STXBP2: variants seen among roughly 807,000 people sequenced by gnomAD.
The protein encoded by STXBP2 is syntaxin-binding protein 2.
Under a neutral mutation model 72.2 loss-of-function variants are expected in STXBP2, and 47 were observed. That is an observed-to-expected ratio of 0.65 (90% CI 0.51 to 0.83). The LOEUF is 0.83. Among genes scored for constraint, STXBP2 ranks in the 40% least tolerant of loss-of-function variants. STXBP2 has a pLI of 0.00. For synonymous variants in STXBP2, 367 were observed against 338.7 expected (o/e 1.08, Z -0.92); for missense variants, 702 against 807.6 (o/e 0.87, Z 1.58).
Position 7,642,124 on chromosome 19 carries a change from G to A in STXBP2, c.663+6G>A. 1 of 1,614,054 alleles carries A rather than the reference G, an allele frequency of 6.2e-7. No homozygotes were observed. The highest frequency in any genetic ancestry group is 8.5e-7 in the Non-Finnish European group (1 of 1,180,000). ...ACACTCCCAGTCTGGGCGAGGTGAG[G>A]GGGCGTGCTTGGGAGGTGAGGGGCA... is the stretch of plus-strand genomic sequence containing the variant. On this transcript the variant is annotated splice_donor_region_variant and intron_variant, in intron 8 of 18. Coordinates refer to ENST00000221283, the MANE Select transcript of STXBP2 (RefSeq NM_006949.4). The surrounding 1 kb of genome is among the most constrained non-coding windows in gnomAD (Gnocchi z 6.0).
rs747183018 is a variant in STXBP2 at position 7,640,340 on chromosome 19, GTGTATGCGTC to G, written c.247-387_247-378del. ...TCTGTGTGTGCGTGTGTATGCGTGT[GTGTATGCGTC>G]TGTGCATGTGTGTATGCGTGTGTGT... On this transcript the variant is annotated intron_variant, in intron 4 of 18. Transcript: ENST00000221283. 3.4e-5 allele frequency: 18 copies of G among 533,548 alleles called. No individual in the cohort carries two copies. In the African/African-American group the frequency reaches 3.8e-4, roughly 11 times the overall value. 33.1% of individuals were successfully genotyped at this position (533,548 alleles called of 1,614,324 possible). A position where few individuals can be genotyped will look rare whatever the true frequency, so the allele number is the denominator to read the frequency against.
upstream of STXBP2, among the ~76,000 whole-genome samples, chr19:7,634,701 C>G (rs1022376929): frequency 2.0e-5 from 3 of 152,098 alleles, no homozygotes; most frequent in African/African-American, 7.2e-5. Context: ...ATTTATTGAG[C>G]CAACGTTCCA....
chr19:7,645,154 T>C lies in STXBP2; in HGVS notation c.1247-43T>C, dbSNP rs929807. 0.39 allele frequency: 607,751 copies of C among 1,543,710 alleles called. 125,034 individuals are homozygous for C. The highest frequency in any genetic ancestry group is 0.72 in the East Asian group (29,463 of 40,864). On this transcript the variant is annotated intron_variant, in intron 14 of 18. Coordinates refer to ENST00000221283, the MANE Select transcript of STXBP2 (RefSeq NM_006949.4). ...CCCAAACTCCCCTAAACCTGGGAGC[T>C]CACCTGGCCGCCGCCTCCACCCTGC...
At chr19:7,643,272 G>A (rs2031971833) in intron 13 of STXBP2, 27 bp downstream of exon 13, 4 of 1,610,260 alleles carry the variant, frequency 2.5e-6, no homozygotes, top group Non-Finnish European at 3.4e-6. Flanking sequence ...GGGGGGCAGG[G>A]GTGATGGTCC....
At position 7,640,906 on chromosome 19, in the gene STXBP2, C is replaced by G; in HGVS notation, c.332C>G (p.Pro111Arg). Reference protein sequence around the residue: ...AAHIFFTDTCPEPLFSELGRS... With the variant: ...AAHIFFTDTCREPLFSELGRS... ...CACTCCTGCCTCACCCCAGCCTGCC[C>G]CGAGCCCCTGTTCAGTGAGCTAGGC... Residue 111 changes from proline (P) to arginine (R), a missense_variant, in exon 6 of 19, where the codon CCC becomes CGC. Transcript: ENST00000221283. 1 of 1,614,206 alleles carries G rather than the reference C, an allele frequency of 6.2e-7. No homozygotes were observed.
intron 15 of STXBP2, 82 bp downstream of exon 15, chr19:7,645,388 T>A: frequency 1.5e-6 from 2 of 1,314,122 alleles, no homozygotes; most frequent in Non-Finnish European, 2.1e-6. Flanking sequence ...GGGCCATTGG[T>A]GCACAGGCAC....
chr19:7,641,114 C>G (rs1463447744), intron 6 of STXBP2, 111 bp downstream of exon 6: 23 of 1,185,806 alleles, frequency 1.9e-5, no homozygotes, highest in Non-Finnish European at 2.8e-5. Flanking sequence ...CCTGTAATCC[C>G]AGCGCTGTGG....
In STXBP2 at chr19:7,647,211, A is replaced by C. The variant is rs1568471865; in HGVS notation, c.1502A>C (p.Asp501Ala). Residue 501 changes from aspartate to alanine, a missense_variant, in exon 17 of 19, where the codon GAC (aspartate) becomes GCC (alanine). Asp to Ala is a moderately radical substitution (Grantham distance 126). Coordinates refer to ENST00000221283, the MANE Select transcript of STXBP2 (RefSeq NM_006949.4). The stretch of plus-strand genomic sequence containing the variant: ...AGGAACCTGTGGCCCTTCGTATCCG[A>C]CCCCGCCCCCACGGCCAGCTCCCAG... ...LDRNLWPFVS[D>A]PAPTASSQAA... The C allele has an allele frequency of 2.5e-6, 4 of 1,611,334 alleles. No homozygotes were observed. The highest frequency in any genetic ancestry group is 3.4e-4 in the Middle Eastern group (2 of 5,876).
At position 7,646,210 on chromosome 19, in the gene STXBP2, C is replaced by A. The variant is rs143457432; in HGVS notation, c.1357-39C>A. On this transcript the variant is annotated intron_variant, in intron 15 of 18. Coordinates refer to ENST00000221283, the MANE Select transcript of STXBP2 (RefSeq NM_006949.4). Reference sequence around the variant, plus strand: ...AGCCCCTCTGTGACCAGCCTCCTTCCCCTCAATCCCCCTGCTGCCCTCCCT... The same window carrying A: ...AGCCCCTCTGTGACCAGCCTCCTTCACCTCAATCCCCCTGCTGCCCTCCCT... 1.0e-4 allele frequency: 155 copies of A among 1,550,234 alleles called. No individual in the cohort carries two copies. In the African/African-American group the frequency reaches 1.6e-3, roughly 16 times the overall value.
chr19:7,637,090 C>A (rs1463014573), upstream of STXBP2: 7 of 1,232,676 alleles, frequency 5.7e-6, no homozygotes, highest in East Asian at 3.2e-5. Flanking sequence ...GGGTGACGCG[C>A]GGGGCCACGC....
At chr19:7,633,068 G>T, upstream of STXBP2, 1 of 1,337,366 alleles carries the variant, frequency 7.5e-7, no homozygotes, top group Non-Finnish European at 9.9e-7. Flanking sequence ...ACGTGGTACC[G>T]CTTCAAGGGA....
the STXBP2 span, chr19:7,631,409 T>TGGGGGGGGGGGGGGGGGGGGGGGGGG: frequency 6.3e-6 from 4 of 639,582 alleles, no homozygotes; most frequent in Non-Finnish European, 6.5e-6. Flanking sequence ...CGGGGGGGGG[T>TGGGGGGGGGGGGGGGGGGGGGGGGGG]GGTCCCGGCT....
chr19:7,634,862 C>T (rs910735305), upstream of STXBP2, among the ~76,000 whole-genome samples: 1 of 152,180 alleles, frequency 6.6e-6, no homozygotes, highest in African/African-American at 2.4e-5. Flanking sequence ...CACTCCCTGC[C>T]TCCGTGGTCA....
chr19:7,629,841 T>C, the STXBP2 span: 2 of 1,535,576 alleles, frequency 1.3e-6, no homozygotes, highest in East Asian at 2.4e-5. Context: ...GAGATGGGGG[T>C]GAAGCTGGAG....
At chr19:7,630,054 T>G in the STXBP2 span, 1 of 548,796 alleles carries the variant, frequency 1.8e-6, no homozygotes, top group Non-Finnish European at 2.9e-6. Flanking sequence ...GATTTGGGCT[T>G]CTGGGTTTGG....
rs2032201349 is a variant in STXBP2 at position 7,647,860 on chromosome 19, CCGT to C, written c.*53_*55del. ...CCCTTTCCAGAGAAATAAACTCTTCCCGTCGCTCTGCCAGCCAGTGCCTACCTC... is the reference window on the plus strand; with the variant it reads ...CCCTTTCCAGAGAAATAAACTCTTCCCGCTCTGCCAGCCAGTGCCTACCTC... On this transcript the variant is annotated 3_prime_UTR_variant, in exon 19 of 19. Transcript: ENST00000221283. 1 of 1,526,898 alleles carries C rather than the reference CCGT, an allele frequency of 6.5e-7. No individual in the cohort carries two copies. Among genetic ancestry groups the C allele is most frequent in the Non-Finnish European group, 9.0e-7 (1 of 1,105,988 alleles). 94.6% of individuals were successfully genotyped at this position (1,526,898 alleles called of 1,614,324 possible).
At chr19:7,633,651 G>T, upstream of STXBP2, 1 of 604,422 alleles carries the variant, frequency 1.7e-6, no homozygotes, top group Non-Finnish European at 2.9e-6. Flanking sequence ...AACGATGCTG[G>T]ATCTGGCATG....
At chr19:7,630,330 CTG>C in the STXBP2 span, 4 of 561,888 alleles carry the variant, frequency 7.1e-6, no homozygotes, top group East Asian at 3.0e-5. Flanking sequence ...GTCTGTGTGT[CTG>C]TCTGTGTTTG....
At chr19:7,646,034 GCT>G (rs1599405933) in intron 15 of STXBP2, 2 of 588,670 alleles carry the variant, frequency 3.4e-6, no homozygotes, top group Admixed American at 3.0e-5. Flanking sequence ...TCTCTGGCTC[GCT>G]CTCTCTCCCT....
Sources: allele counts gnomAD v4.1 joint callset (sites outside exome capture counted in the v4.1 genomes callset), GRCh38; gene constraint gnomAD v4.1.1; non-coding constraint Gnocchi (gnomAD v3.1); transcripts MANE v1.5; gene names NCBI Gene and HGNC (gene_info 2026-07-23, HGNC 2026-07-21).